CNTN1: variants seen among roughly 807,000 people sequenced by gnomAD.
The protein encoded by CNTN1 is contactin-1.
Under a neutral mutation model 126.4 loss-of-function variants are expected in CNTN1, and 38 were observed. The observed-to-expected ratio is 0.30, with a 90% CI of 0.23 to 0.39. The LOEUF (loss-of-function observed/expected upper bound fraction) is 0.39, where lower values mean the gene tolerates loss of function less well. Ranked by LOEUF, CNTN1 falls within the 10% of genes least tolerant of loss-of-function variation. The pLI is 1.00. For synonymous variants in CNTN1, 413 were observed against 422.6 expected (o/e 0.98, Z 0.28); for missense variants, 1,009 against 1,248.4 (o/e 0.81, Z 2.89).
At chr12:40,997,008 A>G (rs1347717896) in intron 17 of CNTN1, among the ~76,000 whole-genome samples, 3 of 152,232 alleles carry the variant, frequency 2.0e-5, no homozygotes, top group African/African-American at 7.2e-5. Context: ...ACATTATCCA[A>G]TGCCACACAT....
rs374471716 is a variant in CNTN1 at position 40,959,175 on chromosome 12, C to T, written c.1745C>T (p.Thr582Ile). Residue 582 changes from threonine (T) to isoleucine (I), a missense_variant, in exon 15 of 24, where the codon ACA (threonine) becomes ATA (isoleucine). Transcript: ENST00000551295. ...NAQLKHAGRY[T>I]CTAQTIVDNS... ...CAGCTGAAACATGCTGGAAGATACACATGCACTGCCCAGACAATTGTGGAC... is the reference window on the plus strand; with the variant it reads ...CAGCTGAAACATGCTGGAAGATACATATGCACTGCCCAGACAATTGTGGAC... 108 of 1,612,786 alleles carry T rather than the reference C, an allele frequency of 6.7e-5. No homozygotes were observed. In the Admixed American group the frequency reaches 1.8e-3, roughly 26 times the overall value.
chr12:40,950,947 T>C (rs12300882), intron 14 of CNTN1, among the ~76,000 whole-genome samples: 1,676 of 151,868 alleles, frequency 0.011, 31 homozygotes, highest in African/African-American at 0.038. Context: ...GCCAGGTGAA[T>C]GGAATTAAGC....
At chr12:40,918,540 C>A (rs1945324943) in intron 3 of CNTN1, 99 bp from the exon 4 acceptor site, 2 of 1,065,742 alleles carry the variant, frequency 1.9e-6, no homozygotes, top group Non-Finnish European at 2.8e-6. Flanking sequence ...AATGGAGATT[C>A]TGTTTCTGAT....
chr12:40,773,656 C>CATATAT (rs1565715561), intron 1 of CNTN1, among the ~76,000 whole-genome samples: 2 of 8,454 alleles, frequency 2.4e-4, no homozygotes, highest in African/African-American at 4.4e-4. Flanking sequence ...TATATATATA[C>CATATAT]ACATATATAT....
chr12:40,970,519 G>T (rs1947472106), intron 15 of CNTN1, among the ~76,000 whole-genome samples: 1 of 152,006 alleles, frequency 6.6e-6, no homozygotes, highest in African/African-American at 2.4e-5. Context: ...TCTCCAGGGG[G>T]CAGTAGTGGC....
At chr12:41,051,154 T>TC (rs1592463952) in intron 23 of CNTN1, among the ~76,000 whole-genome samples, 1 of 148,882 alleles carries the variant, frequency 6.7e-6, no homozygotes, top group East Asian at 1.9e-4. Flanking sequence ...TCTTTTTTTT[T>TC]TTTTTTTTTT....
intron 1 of CNTN1, among the ~76,000 whole-genome samples, chr12:40,783,670 A>G (rs1386572189): frequency 1.3e-5 from 2 of 152,082 alleles, no homozygotes; most frequent in Admixed American, 6.6e-5. Context: ...AACAACTTGT[A>G]TTTTAGAATC....
chr12:40,863,304 TA>T (rs1164917191), intron 1 of CNTN1, among the ~76,000 whole-genome samples: 2 of 152,294 alleles, frequency 1.3e-5, no homozygotes, highest in African/African-American at 4.8e-5. Context: ...TTATTTCAGT[TA>T]AAATATAATT....
At chr12:41,046,847 CTTT>C (rs56655599) in intron 23 of CNTN1, among the ~76,000 whole-genome samples, 61 of 118,988 alleles carry the variant, frequency 5.1e-4, no homozygotes, top group Middle Eastern at 4.2e-3. Context: ...TTGCTTATTT[CTTT>C]TTTTTTTTTT....
chr12:41,018,032 G>A (rs557990590), intron 19 of CNTN1, among the ~76,000 whole-genome samples: 19 of 151,790 alleles, frequency 1.3e-4, no homozygotes, highest in Admixed American at 1.3e-4. Context: ...TGAAGTTGCC[G>A]TGAGCCGAGA....
At chr12:41,067,596 A>G (rs1950072781) in intron 23 of CNTN1, among the ~76,000 whole-genome samples, 2 of 122,352 alleles carry the variant, frequency 1.6e-5, no homozygotes, top group South Asian at 6.1e-4. Flanking sequence ...GAAGGGGAAT[A>G]TCACACTCTG....
Position 40,951,048 on chromosome 12 carries a change from G to T in CNTN1, c.1683+6878G>T, listed in dbSNP as rs149277938. On this transcript the variant is annotated intron_variant, in intron 14 of 23. Coordinates refer to ENST00000551295, the MANE Select transcript of CNTN1 (RefSeq NM_001843.4). Reference sequence around the variant, plus strand: ...AAGATTTTTAGAACTCTAAAGCTAAGGGGAACCAACTTGAAAACCATATAA... The same window carrying T: ...AAGATTTTTAGAACTCTAAAGCTAATGGGAACCAACTTGAAAACCATATAA... 2.4e-3 allele frequency among the ~76,000 whole-genome samples: 369 copies of T among 152,096 alleles called. 1 individual carries two copies. The highest frequency in any genetic ancestry group is 8.6e-3 in the African/African-American group (356 of 41,506).
At chr12:40,930,085 T>C in intron 7 of CNTN1, 83 bp downstream of exon 7, 2 of 1,135,788 alleles carry the variant, frequency 1.8e-6, no homozygotes, top group Non-Finnish European at 2.7e-6. Context: ...AAATATCCAG[T>C]GAAGACTAGC....
intron 1 of CNTN1, among the ~76,000 whole-genome samples, chr12:40,770,899 A>G (rs1052566976): frequency 2.0e-5 from 3 of 152,106 alleles, no homozygotes; most frequent in African/African-American, 7.2e-5. Context: ...ACTAGTGACA[A>G]TGAAATAAGC....
chr12:40,784,276 G>T (rs1015174709), intron 1 of CNTN1, among the ~76,000 whole-genome samples: 2 of 152,086 alleles, frequency 1.3e-5, no homozygotes, highest in Non-Finnish European at 2.9e-5. Flanking sequence ...TGCACCTGTG[G>T]TCTGCTACTT....
chr12:40,767,608 C>CTTTT (rs869153853), intron 1 of CNTN1, among the ~76,000 whole-genome samples: 10 of 134,364 alleles, frequency 7.4e-5, no homozygotes, highest in South Asian at 2.5e-4. Flanking sequence ...GCTCCTGGCC[C>CTTTT]TTTTTTTGTT....
At chr12:40,779,189 G>C (rs1792275920) in intron 1 of CNTN1, among the ~76,000 whole-genome samples, 1 of 151,520 alleles carries the variant, frequency 6.6e-6, no homozygotes, top group South Asian at 2.1e-4. Context: ...TTAATTAATA[G>C]TATGGTAAAG....
At chr12:40,715,515 T>C (rs933531770) in intron 1 of CNTN1, among the ~76,000 whole-genome samples, 1 of 152,158 alleles carries the variant, frequency 6.6e-6, no homozygotes, top group African/African-American at 2.4e-5. Context: ...AACTTGATAT[T>C]AAAAAACAAC....
At chr12:40,902,337 G>A (rs1222856744) in intron 1 of CNTN1, among the ~76,000 whole-genome samples, 1 of 152,140 alleles carries the variant, frequency 6.6e-6, no homozygotes, top group Non-Finnish European at 1.5e-5. Flanking sequence ...GAGTCTGAGA[G>A]GAAATTGTCC....
Sources: allele counts gnomAD v4.1 joint callset (sites outside exome capture counted in the v4.1 genomes callset), GRCh38; gene constraint gnomAD v4.1.1; transcripts MANE v1.5; gene names NCBI Gene and HGNC (gene_info 2026-07-23, HGNC 2026-07-21).